Variants in ADGRV1 observed in about 807,000 individuals in gnomAD.
ADGRV1 encodes the protein G-protein coupled receptor 98.
Under a neutral mutation model 596.2 loss-of-function variants are expected in ADGRV1, and 359 were observed. The ratio of observed to expected loss-of-function variants is 0.60; its 90% CI spans 0.55 to 0.66. The LOEUF (loss-of-function observed/expected upper bound fraction) is 0.66. Among genes scored for constraint, ADGRV1 ranks in the 30% least tolerant of loss-of-function variants. ADGRV1 has a pLI of 0.00. For missense variants in ADGRV1, 7,274 were observed against 7,575.6 expected (o/e 0.96, Z 1.48); for synonymous variants, 2,681 against 2,679.2 (o/e 1.00, Z -0.02).
At chr5:91,158,455 G>T (rs1478932601) in intron 89 of ADGRV1, among the ~76,000 whole-genome samples, 2 of 152,128 alleles carry the variant, frequency 1.3e-5, no homozygotes, top group Admixed American at 6.5e-5. Flanking sequence ...TTACTTGTGG[G>T]ACTTCAGGGA....
At chr5:90,733,569 A>AT in intron 50 of ADGRV1, among the ~76,000 whole-genome samples, 1 of 152,198 alleles carries the variant, frequency 6.6e-6, no homozygotes, top group Non-Finnish European at 1.5e-5. Context: ...TTTATCAAGC[A>AT]TTTAACATTT....
chr5:90,990,977 G>A (rs1780912084), intron 85 of ADGRV1, among the ~76,000 whole-genome samples: 1 of 152,136 alleles, frequency 6.6e-6, no homozygotes, highest in African/African-American at 2.4e-5. Context: ...AATATAAAAA[G>A]AGTCAAGACC....
chr5:90,787,463 A>G (rs777189710), intron 67 of ADGRV1, among the ~76,000 whole-genome samples: 5 of 151,850 alleles, frequency 3.3e-5, no homozygotes, highest in Non-Finnish European at 4.4e-5. Context: ...TAAAATGTTT[A>G]TATTTCTCTA....
intron 83 of ADGRV1, among the ~76,000 whole-genome samples, chr5:90,870,452 A>G (rs1449106797): frequency 6.6e-6 from 1 of 152,202 alleles, no homozygotes; most frequent in Non-Finnish European, 1.5e-5. Context: ...AATGAGAAGG[A>G]TCACTACAAG....
intron 85 of ADGRV1, among the ~76,000 whole-genome samples, chr5:90,995,830 A>G (rs1781368564): frequency 6.6e-6 from 1 of 152,160 alleles, no homozygotes. Context: ...CACTCTTGCT[A>G]ACCTTTGGCA....
chr5:90,772,391 A>AT (rs1757788470), intron 59 of ADGRV1, among the ~76,000 whole-genome samples: 1 of 151,948 alleles, frequency 6.6e-6, no homozygotes, highest in Non-Finnish European at 1.5e-5. Context: ...ATTTATTATC[A>AT]CTTTTTTAAA....
chr5:90,805,239 A>T (rs1262619091), intron 71 of ADGRV1, 45 bp from the exon 72 acceptor site: 1 of 1,540,944 alleles, frequency 6.5e-7, no homozygotes, highest in South Asian at 1.2e-5. Flanking sequence ...GAAAACAGGA[A>T]GGTTTAGAGA....
At chr5:90,816,727 C>A (rs1762935133) in intron 75 of ADGRV1, among the ~76,000 whole-genome samples, 1 of 151,940 alleles carries the variant, frequency 6.6e-6, no homozygotes, top group South Asian at 2.1e-4. Context: ...CATGTCCCTA[C>A]AAAGGACATG....
rs1394321687 is a variant in ADGRV1, at chr5:90,840,712, G to T, written c.16746G>T (p.Thr5582=). The part of the protein sequence containing the change: ...QRSTVLDVIL[T]PETGSLNSFP... ...GCACTGTATTGGATGTCATCCTAAC[G>T]CCAGAGACAGGATCTTTAAATTCAT... Residue 5582 remains threonine (T), a synonymous_variant, in exon 78 of 90, where the codon ACG becomes ACT. Coordinates refer to ENST00000405460, the MANE Select transcript of ADGRV1 (RefSeq NM_032119.4). The T allele has an allele frequency of 6.2e-7, 1 of 1,613,994 alleles. No individual in the cohort carries two copies. Among genetic ancestry groups the T allele is most frequent in the Non-Finnish European group, 8.5e-7 (1 of 1,179,888 alleles).
chr5:90,593,249 C>T (rs150867871), intron 1 of ADGRV1, among the ~76,000 whole-genome samples: 1,974 of 152,198 alleles, frequency 0.013, 36 homozygotes, highest in African/African-American at 0.044. Flanking sequence ...GGCACATATA[C>T]GCCATGGAAT....
At chr5:90,965,654 C>T (rs1410681091) in intron 84 of ADGRV1, 123 bp downstream of exon 84, 1 of 545,342 alleles carries the variant, frequency 1.8e-6, no homozygotes, top group African/African-American at 1.9e-5. Flanking sequence ...ACTGCATTCT[C>T]AGGATATAAA....
intron 17 of ADGRV1, among the ~76,000 whole-genome samples, chr5:90,649,778 C>T (rs1346957307): frequency 6.6e-6 from 1 of 152,138 alleles, no homozygotes; most frequent in African/African-American, 2.4e-5. Context: ...CGTGAGCCAC[C>T]GTGCCTAGCC....
At chr5:90,646,496 C>A (rs17543150) in intron 16 of ADGRV1, among the ~76,000 whole-genome samples, 9,706 of 151,522 alleles carry the variant, frequency 0.064, 417 homozygotes, top group Non-Finnish European at 0.092. Context: ...ATTAGAAGGA[C>A]CTGAGTATTA....
At chr5:90,604,439 ATAC>A (rs1357314055) in intron 1 of ADGRV1, among the ~76,000 whole-genome samples, 1 of 152,218 alleles carries the variant, frequency 6.6e-6, no homozygotes, top group African/African-American at 2.4e-5. Flanking sequence ...AAATTAGATA[ATAC>A]TACTGAATTT....
intron 3 of ADGRV1, among the ~76,000 whole-genome samples, chr5:90,618,579 T>C (rs1016952071): frequency 6.6e-6 from 1 of 152,212 alleles, no homozygotes; most frequent in African/African-American, 2.4e-5. Flanking sequence ...TTAAAAAATA[T>C]ACTTTTGTGC....
intron 14 of ADGRV1, 116 bp downstream of exon 14, chr5:90,644,099 A>G (rs1767369207): frequency 5.3e-6 from 4 of 752,772 alleles, no homozygotes; most frequent in Non-Finnish European, 8.2e-6. Context: ...CTTAGAAATT[A>G]CACATAGTGC....
intron 83 of ADGRV1, among the ~76,000 whole-genome samples, chr5:90,946,804 T>C (rs900786272): frequency 1.3e-5 from 2 of 152,226 alleles, no homozygotes; most frequent in Non-Finnish European, 2.9e-5. Flanking sequence ...TCATTCCTTT[T>C]TATGGCTGCA....
chr5:90,772,708 A>G (rs978656200), intron 59 of ADGRV1, among the ~76,000 whole-genome samples: 1 of 152,214 alleles, frequency 6.6e-6, no homozygotes, highest in African/African-American at 2.4e-5. Flanking sequence ...GAATAGAGGA[A>G]CCAACTGTAT....
intron 84 of ADGRV1, among the ~76,000 whole-genome samples, chr5:90,969,290 T>C (rs576554365): frequency 6.6e-6 from 1 of 152,224 alleles, no homozygotes; most frequent in Non-Finnish European, 1.5e-5. Context: ...GTTAAGATAA[T>C]ATGTTGTGGC....
Sources: gnomAD v4.1 joint callset for allele counts (sites outside exome capture counted in the v4.1 genomes callset) on GRCh38, gnomAD v4.1.1 for gene constraint, MANE v1.5 for transcripts, NCBI Gene and HGNC (gene_info 2026-07-23, HGNC 2026-07-21) for gene names.